CHST8: variants seen among roughly 807,000 people sequenced by gnomAD.
CHST8 encodes the protein carbohydrate sulfotransferase 8, also known as GALNAC-4-ST1.
CHST8 carries 10 observed loss-of-function variants against 15.0 expected under a neutral mutation model. The ratio of observed to expected loss-of-function variants is 0.67; its 90% CI spans 0.41 to 1.13. CHST8 has a LOEUF of 1.13. CHST8 is among the 50% of genes most tolerant of loss of function. CHST8 has a pLI of 0.00. For missense variants in CHST8, 634 were observed against 608.2 expected (o/e 1.04, Z -0.45); for synonymous variants, 259 against 256.6 (o/e 1.01, Z -0.09).
At chr19:33,703,652 C>A (rs1486981876) in intron 3 of CHST8, among the ~76,000 whole-genome samples, 1 of 152,230 alleles carries the variant, frequency 6.6e-6, no homozygotes, top group Non-Finnish European at 1.5e-5. Flanking sequence ...ATTTGTGGTG[C>A]CTTTAGGGTC....
chr19:33,635,937 G>A (rs1600227863), intron 1 of CHST8, among the ~76,000 whole-genome samples: 1 of 152,058 alleles, frequency 6.6e-6, no homozygotes, highest in Non-Finnish European at 1.5e-5. Context: ...AATCCATGGC[G>A]CACACATTGT....
At chr19:33,724,534 ATG>A (rs1490086850) in intron 3 of CHST8, among the ~76,000 whole-genome samples, 1 of 152,210 alleles carries the variant, frequency 6.6e-6, no homozygotes, top group East Asian at 1.9e-4. Flanking sequence ...CTCCATTAAA[ATG>A]TGCGTCTGCA....
At chr19:33,722,017 ATAGG>A (rs1973805391) in intron 3 of CHST8, among the ~76,000 whole-genome samples, 1 of 145,388 alleles carries the variant, frequency 6.9e-6, no homozygotes, top group Non-Finnish European at 1.5e-5. Flanking sequence ...AGATGGACAG[ATAGG>A]TAGTGAGTGG....
At chr19:33,765,253 C>T (rs950437588) in intron 3 of CHST8, among the ~76,000 whole-genome samples, 12 of 151,638 alleles carry the variant, frequency 7.9e-5, no homozygotes, top group Non-Finnish European at 1.6e-4. Context: ...CCTGGGCTGT[C>T]GAAAGCTGGA....
At chr19:33,740,416 C>T (rs1204410694) in intron 3 of CHST8, among the ~76,000 whole-genome samples, 4 of 152,196 alleles carry the variant, frequency 2.6e-5, no homozygotes, top group Non-Finnish European at 5.9e-5. Flanking sequence ...TCCCTGTGGC[C>T]GTGCAGCCTG....
At chr19:33,680,081 T>C (rs1009676103) in intron 2 of CHST8, among the ~76,000 whole-genome samples, 1 of 152,144 alleles carries the variant, frequency 6.6e-6, no homozygotes, top group Non-Finnish European at 1.5e-5. Flanking sequence ...CCCTTTTCCC[T>C]TTGCAGGTAT....
intron 3 of CHST8, among the ~76,000 whole-genome samples, chr19:33,712,386 G>C (rs892031402): frequency 6.6e-6 from 1 of 152,186 alleles, no homozygotes; most frequent in Non-Finnish European, 1.5e-5. Context: ...ACAAGCGGGG[G>C]CTGTGGGAGG....
intron 3 of CHST8, among the ~76,000 whole-genome samples, chr19:33,739,153 G>T (rs143007850): frequency 6.6e-6 from 1 of 152,176 alleles, no homozygotes. Flanking sequence ...GAAAATGAAA[G>T]TTCTGGGAGA....
chr19:33,652,450 T>G (rs4805051), intron 1 of CHST8, among the ~76,000 whole-genome samples: 41,304 of 146,342 alleles, frequency 0.28, 7,336 homozygotes, highest in African/African-American at 0.49. Flanking sequence ...ATCTCAGCTC[T>G]CTGCAACCTC....
chr19:33,719,246 G>C (rs1973731697), intron 3 of CHST8, among the ~76,000 whole-genome samples: 1 of 151,998 alleles, frequency 6.6e-6, no homozygotes, highest in Non-Finnish European at 1.5e-5. Flanking sequence ...TGTCAGCCGG[G>C]GGTGGGCCGG....
intron 3 of CHST8, among the ~76,000 whole-genome samples, chr19:33,733,320 A>G (rs441022): frequency 0.66 from 98,317 of 149,194 alleles, 33,003 homozygotes; most frequent in East Asian, 0.91. Flanking sequence ...TGAAACCTCC[A>G]CCTCCTGGGT....
intron 1 of CHST8, among the ~76,000 whole-genome samples, chr19:33,663,115 C>T (rs911736849): frequency 6.6e-6 from 1 of 152,138 alleles, no homozygotes; most frequent in Non-Finnish European, 1.5e-5. Context: ...GGATGCGTGG[C>T]CGGAGCCTGC....
chr19:33,742,683 CT>C (rs1974220005), intron 3 of CHST8, among the ~76,000 whole-genome samples: 1 of 152,198 alleles, frequency 6.6e-6, no homozygotes, highest in African/African-American at 2.4e-5. Flanking sequence ...CTTGGGACAG[CT>C]GATCACCCCT....
At chr19:33,750,858 A>G (rs1473150852) in intron 3 of CHST8, among the ~76,000 whole-genome samples, 1 of 151,874 alleles carries the variant, frequency 6.6e-6, no homozygotes, top group African/African-American at 2.4e-5. Flanking sequence ...GGCTCGGTCC[A>G]GGCTCACCAC....
chr19:33,638,340 T>G, intron 1 of CHST8, among the ~76,000 whole-genome samples: 1 of 152,098 alleles, frequency 6.6e-6, no homozygotes, highest in East Asian at 1.9e-4. Flanking sequence ...AGGTTGCAGG[T>G]GGGGGCAAAG....
At chr19:33,728,006 T>A (rs1441205069) in intron 3 of CHST8, among the ~76,000 whole-genome samples, 1 of 152,258 alleles carries the variant, frequency 6.6e-6, no homozygotes, top group Admixed American at 6.5e-5. Flanking sequence ...GGGACTTTGG[T>A]AAGCAGAGCC....
chr19:33,715,641 A>T (rs1326694251), intron 3 of CHST8, among the ~76,000 whole-genome samples: 1 of 152,272 alleles, frequency 6.6e-6, no homozygotes, highest in African/African-American at 2.4e-5. Context: ...CAGCAGGCAG[A>T]TGACTCAGAG....
At chr19:33,758,929 G>C (rs1049520681) in intron 3 of CHST8, among the ~76,000 whole-genome samples, 2 of 152,262 alleles carry the variant, frequency 1.3e-5, no homozygotes, top group Non-Finnish European at 2.9e-5. Context: ...TGGCGGGGGG[G>C]GGCGGTGCTC....
intron 3 of CHST8, 32 bp from the exon 4 acceptor site, chr19:33,771,381 T>C: frequency 5.0e-6 from 8 of 1,613,034 alleles, no homozygotes; most frequent in Non-Finnish European, 6.8e-6. Context: ...GCAGATCCGC[T>C]AATACTGTCC....
Sources: allele counts gnomAD v4.1 joint callset (sites outside exome capture counted in the v4.1 genomes callset), GRCh38; gene constraint gnomAD v4.1.1; transcripts MANE v1.5; gene names NCBI Gene and HGNC (gene_info 2026-07-23, HGNC 2026-07-21).